The following CDKL3 variants were observed in gnomAD, a reference collection of about 807,000 sequenced individuals.
CDKL3 encodes the protein cyclin dependent kinase like 3.
A neutral mutation model predicts 69.3 loss-of-function variants in CDKL3; 65 were observed. That is an observed-to-expected ratio of 0.94 (90% confidence interval 0.77 to 1.15). The LOEUF is 1.15. CDKL3 is among the 50% of genes most tolerant of loss of function. The pLI is 0.00. For synonymous variants in CDKL3, 202 were observed against 221.6 expected (o/e 0.91, Z 0.79); for missense variants, 652 against 689.2 (o/e 0.95, Z 0.61).
intron 12 of CDKL3, chr5:134,302,332 G>C: frequency 2.1e-6 from 1 of 467,288 alleles, no homozygotes. Flanking sequence ...CCTGATATCT[G>C]ACACTACACA....
chr5:134,325,773 AT>A (rs960913520), intron 4 of CDKL3, among the ~76,000 whole-genome samples: 2 of 150,892 alleles, frequency 1.3e-5, no homozygotes, highest in Admixed American at 6.6e-5. Context: ...ATTTATTATT[AT>A]TTTTTTTGAG....
At chr5:134,284,263 C>T (rs147374329), downstream of CDKL3, among the ~76,000 whole-genome samples, 132 of 152,332 alleles carry the variant, frequency 8.7e-4, no homozygotes, top group African/African-American at 3.0e-3. Context: ...AGAAATTTTA[C>T]AGCTGGGCCT....
At chr5:134,319,311 C>T (rs1247329904) in intron 6 of CDKL3, 47 bp downstream of exon 6, 3 of 1,422,342 alleles carry the variant, frequency 2.1e-6, no homozygotes, top group Non-Finnish European at 9.3e-7. Flanking sequence ...GCCTGGGCGA[C>T]AGAGCAAGAC....
chr5:134,369,956 C>CA (rs1185650566), upstream of CDKL3, among the ~76,000 whole-genome samples: 1 of 152,120 alleles, frequency 6.6e-6, no homozygotes, highest in East Asian at 1.9e-4. Flanking sequence ...GGCAGAAAGG[C>CA]AAAAAAATTA....
intron 8 of CDKL3, among the ~76,000 whole-genome samples, chr5:134,288,439 G>A (rs1348863279): frequency 6.6e-6 from 1 of 152,094 alleles, no homozygotes; most frequent in Non-Finnish European, 1.5e-5. Flanking sequence ...TAAATGCCAT[G>A]TTTTTTCTTG....
At chr5:134,350,484 T>G (rs1281969449) in intron 3 of CDKL3, 57 bp from the exon 4 acceptor site, 1 of 1,210,396 alleles carries the variant, frequency 8.3e-7, no homozygotes, top group Non-Finnish European at 1.2e-6. Flanking sequence ...ATCCAGAATC[T>G]CTCAAAAATT....
intron 4 of CDKL3, among the ~76,000 whole-genome samples, chr5:134,334,270 G>C (rs1776516944): frequency 6.6e-6 from 1 of 152,162 alleles, no homozygotes. Context: ...TGGAATCATT[G>C]ATTTTTTTTG....
chr5:134,324,715 G>A (rs1262134227), intron 4 of CDKL3, among the ~76,000 whole-genome samples: 10 of 152,146 alleles, frequency 6.6e-5, no homozygotes, highest in Admixed American at 6.5e-4. Context: ...GAATAAAAAC[G>A]AAGCACAGAA....
In CDKL3 at chr5:134,304,330, A is replaced by C. The variant is rs1009556890; in HGVS notation, c.1621+75T>G. On this transcript the variant is annotated intron_variant, in intron 11 of 12. Coordinates refer to ENST00000265334, the MANE Select transcript of CDKL3 (RefSeq NM_001113575.2). ...TATTTTCTACCTAAATCACACTATA[A>C]AATGTAAGTTATATTATGAAAAAAT... The C allele has an allele frequency of 2.5e-6, 3 of 1,209,164 alleles. No individual in the cohort carries two copies. The Admixed American group carries it at 8.2e-5, about 33-fold the overall frequency. 74.9% of individuals were successfully genotyped at this position (1,209,164 alleles called of 1,614,324 possible).
chr5:134,349,901 T>C (rs1192658700), intron 4 of CDKL3, among the ~76,000 whole-genome samples: 2 of 152,046 alleles, frequency 1.3e-5, no homozygotes, highest in Non-Finnish European at 2.9e-5. Context: ...AAGAGATACC[T>C]AGGAGGCTAG....
chr5:134,342,134 GA>G (rs1416129084), intron 4 of CDKL3, among the ~76,000 whole-genome samples: 1 of 151,994 alleles, frequency 6.6e-6, no homozygotes, highest in Non-Finnish European at 1.5e-5. Flanking sequence ...ACTTCAATAT[GA>G]ACTCAATATA....
intron 6 of CDKL3, among the ~76,000 whole-genome samples, chr5:134,313,239 C>T (rs1480813211): frequency 6.6e-6 from 1 of 152,060 alleles, no homozygotes; most frequent in African/African-American, 2.4e-5. Flanking sequence ...TTTTTAGAGA[C>T]AGGTTCTTAC....
At chr5:134,366,289 T>C (rs1333172711) in intron 2 of CDKL3, 70 bp downstream of exon 2, 37 of 1,112,854 alleles carry the variant, frequency 3.3e-5, no homozygotes, top group Non-Finnish European at 4.4e-5. Context: ...AACTAAAATA[T>C]TTTATGCAAT....
intron 6 of CDKL3, among the ~76,000 whole-genome samples, chr5:134,317,577 T>G (rs1771491298): frequency 6.6e-6 from 1 of 152,130 alleles, no homozygotes; most frequent in South Asian, 2.1e-4. Flanking sequence ...TGAGCAACGA[T>G]CACACCATTG....
Position 134,312,298 on chromosome 5 carries a change from A to G in CDKL3, c.875T>C (p.Ile292Thr). ...HHEYFTRDGF[I>T]EKFMPELKAK... is the part of the protein sequence containing the mutation. ...ATTCACTCAAAATGCTTACTTTTCAATAAATCCATCTCTAGTAAAATACTC... is the reference window on the plus strand; with the variant it reads ...ATTCACTCAAAATGCTTACTTTTCAGTAAATCCATCTCTAGTAAAATACTC... The change falls in exon 7 of 13, where the codon ATT (isoleucine) becomes ACT (threonine). Residue 292 changes from isoleucine to threonine, a missense_variant. Coordinates refer to ENST00000265334, the MANE Select transcript of CDKL3 (RefSeq NM_001113575.2). The G allele has an allele frequency of 6.4e-7, 1 of 1,571,094 alleles. No individual in the cohort carries two copies. Among genetic ancestry groups the G allele is most frequent in the Non-Finnish European group, 8.7e-7 (1 of 1,152,266 alleles).
upstream of CDKL3, among the ~76,000 whole-genome samples, chr5:134,370,333 C>A (rs536351920): frequency 8.8e-4 from 134 of 152,358 alleles, no homozygotes; most frequent in African/African-American, 3.0e-3. Flanking sequence ...GGGAGGTCAA[C>A]ACCTCTGAAC....
intron 11 of CDKL3, 68 bp from the exon 12 acceptor site, chr5:134,302,755 A>G (rs1363021650): frequency 1.3e-6 from 1 of 762,956 alleles, no homozygotes; most frequent in African/African-American, 1.8e-5. Flanking sequence ...TTTCCTTTCC[A>G]AGAATTTCAA....
Position 134,367,160 on chromosome 5 carries a change from T to G in CDKL3, c.-205A>C, listed in dbSNP as rs1218747913. 1 of 985,036 alleles carries G rather than the reference T, an allele frequency of 1.0e-6. No homozygotes were observed. The highest frequency in any genetic ancestry group is 1.2e-6 in the Non-Finnish European group (1 of 830,130). 61.0% of individuals were successfully genotyped at this position (985,036 alleles called of 1,614,324 possible). On this transcript the variant is annotated 5_prime_UTR_variant, in exon 1 of 13. Transcript: ENST00000265334. Reference sequence around the variant, plus strand: ...TGCCACCATGGAAACGCCGGCGGAGTTGCTGCGTTCTAGACTCGTGCGCAA... The same window carrying G: ...TGCCACCATGGAAACGCCGGCGGAGGTGCTGCGTTCTAGACTCGTGCGCAA...
chr5:134,306,681 CT>C lies in CDKL3; in HGVS notation c.1385del (p.Lys462ArgfsTer51). On this transcript the variant is annotated frameshift_variant, in exon 10 of 13. Transcript: ENST00000265334. LOFTEE classifies it high-confidence loss of function. ...CAATAGATTGTGAAGAAGTGCGTCT[CT>C]TTTTTGCTCTTTCAGTTAACCTATT... ...PSVRLTERAK[K>X]RRTSSQSIGQ... is the part of the protein sequence containing the mutation. The C allele has an allele frequency of 2.7e-6, 4 of 1,506,948 alleles. No individual in the cohort carries two copies. Among genetic ancestry groups the C allele is most frequent in the Admixed American group, 2.3e-5 (1 of 43,586 alleles). 93.3% of individuals were successfully genotyped at this position (1,506,948 alleles called of 1,614,324 possible).
Sources: allele counts gnomAD v4.1 joint callset (sites outside exome capture counted in the v4.1 genomes callset), GRCh38; gene constraint gnomAD v4.1.1; transcripts MANE v1.5; gene names NCBI Gene and HGNC (gene_info 2026-07-23, HGNC 2026-07-21).